PLCB1: variants seen among roughly 807,000 people sequenced by gnomAD.
The protein encoded by PLCB1 is phospholipase C beta 1, also known as 1-phosphatidylinositol 4,5-bisphosphate phosphodiesterase beta-1.
Under a neutral mutation model 161.8 loss-of-function variants are expected in PLCB1, and 46 were observed. The observed-to-expected ratio is 0.28, with a 90% CI of 0.22 to 0.36. The LOEUF (loss-of-function observed/expected upper bound fraction) is 0.36. Ranked by LOEUF, PLCB1 falls within the 10% of genes least tolerant of loss-of-function variation. The pLI is 1.00. For synonymous variants in PLCB1, 517 were observed against 503.7 expected, an observed-to-expected ratio of 1.03 and a Z score of -0.35; for missense variants, 1,016 against 1,472.5, an observed-to-expected ratio of 0.69 and a Z score of 5.07.
At chr20:8,555,432 A>G (rs982410161) in intron 3 of PLCB1, among the ~76,000 whole-genome samples, 1 of 152,112 alleles carries the variant, frequency 6.6e-6, no homozygotes, top group Admixed American at 6.6e-5. Context: ...ACACAAACTC[A>G]TAGACTGAGG....
chr20:8,145,925 A>G (rs138364990), intron 1 of PLCB1, among the ~76,000 whole-genome samples: 2 of 152,256 alleles, frequency 1.3e-5, no homozygotes, highest in East Asian at 3.9e-4. Context: ...CTTGCAGCAC[A>G]TCTTAGTCTC....
intron 2 of PLCB1, among the ~76,000 whole-genome samples, chr20:8,271,863 G>A (rs141198797): frequency 6.6e-6 from 1 of 152,192 alleles, no homozygotes; most frequent in East Asian, 1.9e-4. Flanking sequence ...AAGAAGAAGT[G>A]AGGTTATATA....
In PLCB1 at chr20:8,399,076, A is replaced by C. The variant is rs146230786; in HGVS notation, c.246+27626A>C. Among the ~76,000 whole-genome samples, 205 of 142,744 alleles carry C rather than the reference A, an allele frequency of 1.4e-3. 2 individuals are homozygous for C. Among genetic ancestry groups the C allele is most frequent in the African/African-American group, 4.8e-3 (182 of 38,132 alleles). 93.6% of individuals were successfully genotyped at this position (142,744 alleles called of 152,430 possible). ...CCTAGTTTATAAAGAAAATTCACCT[A>C]TAGCTTCTTTTTTTTTTTCTAGTAT... On this transcript the variant is annotated intron_variant, in intron 3 of 31. Coordinates refer to ENST00000338037, the MANE Select transcript of PLCB1 (RefSeq NM_015192.4).
chr20:8,622,447 GA>G, intron 3 of PLCB1, among the ~76,000 whole-genome samples: 1 of 152,230 alleles, frequency 6.6e-6, no homozygotes, highest in South Asian at 2.1e-4. Context: ...GTTACCTAAA[GA>G]GAGTTCCCAT....
At position 8,765,963 on chromosome 20, in the gene PLCB1, G is replaced by A. The variant is rs559931478; in HGVS notation, c.2930+605G>A. ...CAAAGTGCTGGGATTACAGGCATGA[G>A]CCACCATGCCTGCCCACAACTGGTC... is the stretch of plus-strand genomic sequence containing the variant. On this transcript the variant is annotated intron_variant, in intron 26 of 31. Coordinates refer to ENST00000338037, the MANE Select transcript of PLCB1 (RefSeq NM_015192.4). Among the ~76,000 whole-genome samples the A allele has an allele frequency of 5.9e-5, 9 of 152,282 alleles. No individual in the cohort carries two copies. The South Asian group carries it at 1.0e-3, about 18-fold the overall frequency.
chr20:8,852,064 C>CTGTAT (rs1190799036), intron 31 of PLCB1, among the ~76,000 whole-genome samples: 2 of 152,216 alleles, frequency 1.3e-5, no homozygotes. Flanking sequence ...GAACTATAGA[C>CTGTAT]TGTATGACTG....
chr20:8,276,054 G>A (rs942839510), intron 2 of PLCB1, among the ~76,000 whole-genome samples: 1 of 151,798 alleles, frequency 6.6e-6, no homozygotes, highest in Non-Finnish European at 1.5e-5. Context: ...ACTAAAGTGA[G>A]GAACATTCAG....
rs201764744 is a variant in PLCB1, at chr20:8,757,086, C to T, written c.2564C>T (p.Ala855Val). ...GETPSEAPSE[A>V]RTTPAENGVN... Reference sequence around the variant, plus strand: ...ACACCATCAGAGGCTCCAAGTGAAGCGAGAACGACTCCAGCAGAAAATGGG... The same window carrying T: ...ACACCATCAGAGGCTCCAAGTGAAGTGAGAACGACTCCAGCAGAAAATGGG... Residue 855 changes from alanine to valine, a missense_variant, in exon 24 of 32, where the codon GCG becomes GTG. Transcript: ENST00000338037. 43 of 1,607,296 alleles carry T rather than the reference C, an allele frequency of 2.7e-5. No homozygotes were observed. Among genetic ancestry groups the T allele is most frequent in the African/African-American group, 5.3e-5 (4 of 74,834 alleles).
chr20:8,736,561 A>G (rs1980596905), intron 19 of PLCB1, among the ~76,000 whole-genome samples: 2 of 152,212 alleles, frequency 1.3e-5, no homozygotes, highest in Non-Finnish European at 2.9e-5. Flanking sequence ...TGAGCAATTT[A>G]TAAAGAAAAG....
In PLCB1 at chr20:8,831,918, CTTT is replaced by C. The variant is rs1986011251; in HGVS notation, c.3423+41658_3423+41660del. The stretch of plus-strand genomic sequence containing the variant: ...TTTCTCCCTCTCTTTCTTTCTCTTT[CTTT>C]CTTTCTTTCTTTCTTTCTTTCTTTC... On this transcript the variant is annotated intron_variant, in intron 31 of 31. Transcript: ENST00000338037. Among the ~76,000 whole-genome samples the C allele has an allele frequency of 1.1e-3, 26 of 24,356 alleles. No individual in the cohort carries two copies. The East Asian group carries it at 0.017, about 16-fold the overall frequency. The allele number at this position is 24,356 out of a possible 152,430, so 16.0% of individuals were successfully genotyped here.
chr20:8,534,824 G>A (rs1251441801), intron 3 of PLCB1, among the ~76,000 whole-genome samples: 1 of 152,124 alleles, frequency 6.6e-6, no homozygotes, highest in African/African-American at 2.4e-5. Flanking sequence ...CATCTTGACA[G>A]GTGTAGACAC....
chr20:8,704,999 C>CTTTTTT (rs1978589337), intron 11 of PLCB1, among the ~76,000 whole-genome samples: 1 of 7,320 alleles, frequency 1.4e-4, no homozygotes, highest in Non-Finnish European at 3.7e-4. Context: ...TTTTTTTTTC[C>CTTTTTT]TATTCAGGCT....
chr20:8,429,856 A>G (rs950295709), intron 3 of PLCB1, among the ~76,000 whole-genome samples: 27 of 152,030 alleles, frequency 1.8e-4, no homozygotes, highest in Non-Finnish European at 2.5e-4. Flanking sequence ...ACCCTCAAAG[A>G]TCTAAAAAGG....
At chr20:8,292,351 G>C (rs1408859625) in intron 2 of PLCB1, among the ~76,000 whole-genome samples, 1 of 152,056 alleles carries the variant, frequency 6.6e-6, no homozygotes, top group East Asian at 1.9e-4. Context: ...ATTTGTTCAA[G>C]CACAGTTGTG....
At chr20:8,193,626 A>T (rs2123112750) in intron 2 of PLCB1, among the ~76,000 whole-genome samples, 1 of 152,122 alleles carries the variant, frequency 6.6e-6, no homozygotes, top group East Asian at 1.9e-4. Context: ...TCACTCTGTA[A>T]AACTTTTTAT....
At chr20:8,136,364 A>G (rs4813851) in intron 1 of PLCB1, among the ~76,000 whole-genome samples, 1 of 152,050 alleles carries the variant, frequency 6.6e-6, no homozygotes, top group Non-Finnish European at 1.5e-5. Flanking sequence ...CGGTGGCTCA[A>G]GCCTGTAATC....
intron 3 of PLCB1, among the ~76,000 whole-genome samples, chr20:8,612,846 T>C (rs1987940758): frequency 6.6e-6 from 1 of 152,192 alleles, no homozygotes; most frequent in Non-Finnish European, 1.5e-5. Context: ...AAGAAGGACA[T>C]TTTCTGAGAC....
chr20:8,184,624 G>A (rs1199196549), intron 2 of PLCB1, among the ~76,000 whole-genome samples: 2 of 151,580 alleles, frequency 1.3e-5, no homozygotes, highest in East Asian at 1.9e-4. Flanking sequence ...AAGAAACTTA[G>A]CAATTCAATT....
chr20:8,308,698 A>G (rs2123333285), intron 2 of PLCB1, among the ~76,000 whole-genome samples: 1 of 151,894 alleles, frequency 6.6e-6, no homozygotes, highest in African/African-American at 2.4e-5. Context: ...CATGGAGGCT[A>G]CATAACTTGT....
Sources: allele counts gnomAD v4.1 joint callset (sites outside exome capture counted in the v4.1 genomes callset), GRCh38; gene constraint gnomAD v4.1.1; transcripts MANE v1.5; gene names NCBI Gene and HGNC (gene_info 2026-07-23, HGNC 2026-07-21).